The following GPT2 variants were observed in gnomAD, a reference collection of about 807,000 sequenced individuals.
The protein encoded by GPT2 is alanine aminotransferase 2.
Under a neutral mutation model 56.9 loss-of-function variants are expected in GPT2, and 30 were observed. The ratio of observed to expected loss-of-function variants is 0.53; its 90% CI spans 0.39 to 0.72. GPT2 has a LOEUF of 0.72. Among genes scored for constraint, GPT2 ranks in the 30% least tolerant of loss-of-function variants. GPT2 has a pLI of 0.00. For missense variants in GPT2, 542 were observed against 703.4 expected (o/e 0.77, Z 2.60); for synonymous variants, 271 against 283.1 (o/e 0.96, Z 0.43).
Position 46,903,384 on chromosome 16 carries a change from C to T in GPT2, c.442+2594C>T, listed in dbSNP as rs148879915. On this transcript the variant is annotated intron_variant, in intron 4 of 11. Transcript: ENST00000340124. ...AGTGCAGTGGTGCAATCATAGCTCA[C>T]TGTAACCTTGACCTCCTGGGCTCAA... Among the ~76,000 whole-genome samples, 89 of 152,122 alleles carry T rather than the reference C, an allele frequency of 5.9e-4. 1 individual carries two copies. The East Asian group carries it at 0.013, about 22-fold the overall frequency.
intron 6 of GPT2, among the ~76,000 whole-genome samples, chr16:46,914,529 T>G (rs1961104464): frequency 6.6e-6 from 1 of 152,136 alleles, no homozygotes; most frequent in Non-Finnish European, 1.5e-5. Flanking sequence ...AGAGTGAGAC[T>G]CCATCTCAAA....
chr16:46,885,321 C>A, intron 2 of GPT2: 2 of 852,970 alleles, frequency 2.3e-6, no homozygotes, highest in Non-Finnish European at 2.8e-6. Context: ...GTGATAAGTT[C>A]TTGGAAAAAA....
intron 4 of GPT2, among the ~76,000 whole-genome samples, chr16:46,904,265 G>A (rs998215749): frequency 2.0e-5 from 3 of 152,160 alleles, no homozygotes; most frequent in African/African-American, 7.2e-5. Flanking sequence ...TAACTGGAGG[G>A]GCCAGCACAG....
At chr16:46,886,275 C>T (rs941128481) in intron 2 of GPT2, among the ~76,000 whole-genome samples, 1 of 152,320 alleles carries the variant, frequency 6.6e-6, no homozygotes, top group Admixed American at 6.5e-5. Flanking sequence ...GACGCAACAG[C>T]CTCCCTGCTA....
intron 8 of GPT2, among the ~76,000 whole-genome samples, chr16:46,919,419 T>C (rs921618413): frequency 1.3e-5 from 2 of 152,162 alleles, no homozygotes; most frequent in African/African-American, 4.8e-5. Context: ...AGGAGTTGGC[T>C]TCTGAGTTAA....
intron 5 of GPT2, among the ~76,000 whole-genome samples, chr16:46,909,290 T>C (rs1012859434): frequency 3.9e-5 from 6 of 152,280 alleles, no homozygotes; most frequent in African/African-American, 9.6e-5. Flanking sequence ...TTTAAAAATA[T>C]ATATTTTTAA....
At chr16:46,925,594 G>A (rs1295941922) in intron 10 of GPT2, among the ~76,000 whole-genome samples, 1 of 152,118 alleles carries the variant, frequency 6.6e-6, no homozygotes, top group African/African-American at 2.4e-5. Context: ...ACTTTGGGAG[G>A]CTGAAGTGGG....
rs1273299430 is a variant in GPT2, at chr16:46,922,397, C to T, written c.1193C>T (p.Ser398Phe). Residue 398 changes from serine (S) to phenylalanine (F), a missense_variant, in exon 9 of 12, where the codon TCC becomes TTC. Physicochemically the swap from Ser to Phe is radical, Grantham distance 155 (BLOSUM62 -2). Transcript: ENST00000340124. ...VVNPPVAGEE[S>F]FEQFSREKES... ...AACCCCCCGGTGGCAGGAGAGGAGT[C>T]CTTTGAGCAATTCAGCCGAGTGAGT... 1 of 1,611,938 alleles carries T rather than the reference C, an allele frequency of 6.2e-7. No individual in the cohort carries two copies. Among genetic ancestry groups the T allele is most frequent in the Non-Finnish European group, 8.5e-7 (1 of 1,179,254 alleles).
chr16:46,903,034 A>C (rs1012167567), intron 4 of GPT2, among the ~76,000 whole-genome samples: 1 of 152,036 alleles, frequency 6.6e-6, no homozygotes, highest in Non-Finnish European at 1.5e-5. Flanking sequence ...TGATCACCTG[A>C]GGTCAGGAGT....
chr16:46,891,856 T>C (rs939695591), intron 2 of GPT2, among the ~76,000 whole-genome samples: 1 of 151,844 alleles, frequency 6.6e-6, no homozygotes, highest in Non-Finnish European at 1.5e-5. Context: ...TGTCAAATAC[T>C]AGATAATTCC....
chr16:46,891,809 T>C (rs1435367218), intron 2 of GPT2, among the ~76,000 whole-genome samples: 1 of 151,730 alleles, frequency 6.6e-6, no homozygotes, highest in Non-Finnish European at 1.5e-5. Context: ...TTTTTTTCAA[T>C]GTACAATTAT....
chr16:46,916,084 C>T (rs1405323351), intron 6 of GPT2: 1 of 153,434 alleles, frequency 6.5e-6, no homozygotes, highest in African/African-American at 2.4e-5. Flanking sequence ...TGGTGGCTCA[C>T]ACCTGTAATT....
chr16:46,921,842 C>T (rs536552745), intron 8 of GPT2, among the ~76,000 whole-genome samples: 1 of 152,060 alleles, frequency 6.6e-6, no homozygotes, highest in East Asian at 1.9e-4. Context: ...CATAGCAAAA[C>T]CCTATCTCTA....
At chr16:46,893,679 CCTCCCCTGAT>C (rs1331877053) in intron 2 of GPT2, among the ~76,000 whole-genome samples, 1 of 152,164 alleles carries the variant, frequency 6.6e-6, no homozygotes, top group African/African-American at 2.4e-5. Context: ...GGGTTGGTGC[CCTCCCCTGAT>C]CCCTGCTTGA....
At chr16:46,906,811 C>G (rs756633619) in intron 4 of GPT2, 31 bp from the exon 5 acceptor site, 2 of 1,609,760 alleles carry the variant, frequency 1.2e-6, no homozygotes, top group South Asian at 2.2e-5. Context: ...GACATCCTGC[C>G]TCTGTTACTG....
Position 46,921,159 on chromosome 16 carries a change from G to A in GPT2, c.1038-1083G>A, listed in dbSNP as rs1054207404. ...TCAGCAGTGTGATCCCAAAAGCATG[G>A]TTTTTTTGATTTTTGTTTTGTTGTT... is the stretch of plus-strand genomic sequence containing the variant. On this transcript the variant is annotated intron_variant, in intron 8 of 11. Coordinates refer to ENST00000340124, the MANE Select transcript of GPT2 (RefSeq NM_133443.4). Among the ~76,000 whole-genome samples, 2 of 152,072 alleles carry A rather than the reference G, an allele frequency of 1.3e-5. 1 individual carries two copies. Among genetic ancestry groups the A allele is most frequent in the Admixed American group, 1.3e-4 (2 of 15,264 alleles).
At chr16:46,917,475 G>A (rs1037709915) in intron 7 of GPT2, among the ~76,000 whole-genome samples, 6 of 152,104 alleles carry the variant, frequency 3.9e-5, no homozygotes, top group Non-Finnish European at 7.3e-5. Context: ...ATCTTAACCC[G>A]GTACCTGTTG....
At chr16:46,922,204 T>C (rs764636589) in intron 8 of GPT2, 38 bp from the exon 9 acceptor site, 1 of 1,604,308 alleles carries the variant, frequency 6.2e-7, no homozygotes, top group Non-Finnish European at 8.5e-7. Context: ...GAGGTCTTTC[T>C]ATAACTGGTG....
At position 46,922,428 on chromosome 16, in the gene GPT2, G is replaced by A. The variant is rs1961310124; in HGVS notation, c.1212+12G>A. The A allele has an allele frequency of 1.3e-6, 2 of 1,599,860 alleles. No homozygotes were observed. The highest frequency in any genetic ancestry group is 1.7e-6 in the Non-Finnish European group (2 of 1,172,436). ...AGCAATTCAGCCGAGTGAGTCCACT[G>A]TGATGCGTCTGCACCCCTGTGGCCG... On this transcript the variant is annotated intron_variant, in intron 9 of 11. Transcript: ENST00000340124.
Sources: gnomAD v4.1 joint callset for allele counts (sites outside exome capture counted in the v4.1 genomes callset) on GRCh38, gnomAD v4.1.1 for gene constraint, MANE v1.5 for transcripts, NCBI Gene and HGNC (gene_info 2026-07-23, HGNC 2026-07-21) for gene names.